GHR: variants seen among roughly 807,000 people sequenced by gnomAD.
The protein encoded by GHR is GH receptor.
A neutral mutation model predicts 67.1 loss-of-function variants in GHR; 35 were observed. That is an observed-to-expected ratio of 0.52 (90% confidence interval 0.40 to 0.69). The LOEUF is 0.69. GHR is among the 30% of genes least tolerant of loss of function. The probability of loss-of-function intolerance (pLI) is 0.00; values close to 1 mark genes in which losing one functional copy is unlikely to be tolerated. For synonymous variants in GHR, 272 were observed against 269.1 expected, an observed-to-expected ratio of 1.01 and a Z score of -0.10; for missense variants, 792 against 764.6, an observed-to-expected ratio of 1.04 and a Z score of -0.42.
chr5:42,615,469 C>A (rs944751353), intron 2 of GHR, among the ~76,000 whole-genome samples: 1 of 152,024 alleles, frequency 6.6e-6, no homozygotes, highest in Admixed American at 6.6e-5. Context: ...TTAGTCCTAA[C>A]CTAACCAAGA....
chr5:42,468,092 G>A, intron 1 of GHR: 1 of 1,084,144 alleles, frequency 9.2e-7, no homozygotes, highest in African/African-American at 1.6e-5. Context: ...ACGTATCTCA[G>A]TTTTTGGAAC....
chr5:42,599,720 A>G (rs772491959), intron 2 of GHR, among the ~76,000 whole-genome samples: 6 of 152,194 alleles, frequency 3.9e-5, no homozygotes, highest in Non-Finnish European at 8.8e-5. Flanking sequence ...GAAGAATTTA[A>G]CAACAAAAAC....
intron 2 of GHR, among the ~76,000 whole-genome samples, chr5:42,599,174 C>T (rs971231528): frequency 2.0e-5 from 3 of 152,028 alleles, no homozygotes; most frequent in African/African-American, 4.8e-5. Flanking sequence ...TGGTCAATAC[C>T]TTATTGGAAG....
chr5:42,719,377 T>A lies in GHR; in HGVS notation c.1870T>A (p.Ser624Thr), dbSNP rs1392489396. The change falls in exon 10 of 10, where the codon TCA becomes ACA. Residue 624 changes from serine to threonine, a missense_variant. Ser to Thr is a moderately conservative substitution (Grantham distance 58, BLOSUM62 1). Coordinates refer to ENST00000230882, the MANE Select transcript of GHR (RefSeq NM_000163.5). ...LPLPDKEFLS[S>T]CGYVSTDQLN... is the part of the protein sequence containing the mutation. ...CTTGCCTGACAAAGAGTTTCTCTCA[T>A]CATGTGGCTATGTGAGCACAGACCA... The A allele has an allele frequency of 5.6e-6, 9 of 1,614,016 alleles. No homozygotes were observed. The highest frequency in any genetic ancestry group is 7.6e-6 in the Non-Finnish European group (9 of 1,179,918).
chr5:42,487,569 T>C (rs572774667), intron 1 of GHR, among the ~76,000 whole-genome samples: 1 of 152,314 alleles, frequency 6.6e-6, no homozygotes, highest in South Asian at 2.1e-4. Flanking sequence ...GAGAAATCCC[T>C]ACAAATCAAC....
chr5:42,663,081 C>T (rs1448817527), intron 3 of GHR, among the ~76,000 whole-genome samples: 1 of 152,098 alleles, frequency 6.6e-6, no homozygotes, highest in East Asian at 1.9e-4. Flanking sequence ...ATAACAGGCT[C>T]TGAAATTGTG....
At chr5:42,465,246 C>T (rs1235286393) in intron 1 of GHR, among the ~76,000 whole-genome samples, 3 of 152,194 alleles carry the variant, frequency 2.0e-5, no homozygotes, top group South Asian at 2.1e-4. Context: ...CAGAACAGTA[C>T]ATTTGGACAG....
At chr5:42,600,550 A>G (rs1752322693) in intron 2 of GHR, among the ~76,000 whole-genome samples, 1 of 152,206 alleles carries the variant, frequency 6.6e-6, no homozygotes, top group African/African-American at 2.4e-5. Flanking sequence ...TAAGAAGTGA[A>G]AGCTCCTGGC....
intron 3 of GHR, among the ~76,000 whole-genome samples, chr5:42,632,295 T>C (rs1044613888): frequency 6.6e-6 from 1 of 152,158 alleles, no homozygotes; most frequent in Non-Finnish European, 1.5e-5. Flanking sequence ...AAATCAGTCC[T>C]GCCCACCTTT....
At chr5:42,636,837 G>T (rs575697510) in intron 3 of GHR, among the ~76,000 whole-genome samples, 1 of 152,208 alleles carries the variant, frequency 6.6e-6, no homozygotes, top group African/African-American at 2.4e-5. Context: ...GTAATTGTGT[G>T]TCTCATGGCA....
rs544085705 is a variant in GHR at position 42,649,616 on chromosome 5, G to C, written c.136+20513G>C. 2.6e-5 allele frequency among the ~76,000 whole-genome samples: 4 copies of C among 152,212 alleles called. No individual in the cohort carries two copies. In the South Asian group the frequency reaches 8.3e-4, roughly 32 times the overall value. ...CAAAATGGCTGGCCCCCTTTAAAAG[G>C]CTCTTGGCAACAGACATATGGAAAA... On this transcript the variant is annotated intron_variant, in intron 3 of 9. Transcript: ENST00000230882.
At chr5:42,555,407 C>A (rs375150794) in intron 1 of GHR, among the ~76,000 whole-genome samples, 3 of 152,248 alleles carry the variant, frequency 2.0e-5, no homozygotes, top group African/African-American at 7.2e-5. Context: ...AAATATTACT[C>A]TGTCTTTTTC....
At chr5:42,634,057 G>C (rs780357155) in intron 3 of GHR, among the ~76,000 whole-genome samples, 1 of 151,964 alleles carries the variant, frequency 6.6e-6, no homozygotes, top group Non-Finnish European at 1.5e-5. Flanking sequence ...TCTGGAGTAA[G>C]CTTTAGTTTA....
intron 1 of GHR, among the ~76,000 whole-genome samples, chr5:42,540,715 T>C (rs1367407241): frequency 6.7e-6 from 1 of 148,616 alleles, no homozygotes; most frequent in Non-Finnish European, 1.5e-5. Context: ...GCTCTCAGGC[T>C]GCCCTGCAGT....
At chr5:42,662,782 A>T (rs1219663587) in intron 3 of GHR, among the ~76,000 whole-genome samples, 6 of 152,232 alleles carry the variant, frequency 3.9e-5, no homozygotes, top group African/African-American at 1.4e-4. Context: ...AAATAGAGAC[A>T]CAAAAAACCC....
rs1345661351 is a variant in GHR, at chr5:42,629,334, G to A, written c.136+231G>A. 1.1e-4 allele frequency among the ~76,000 whole-genome samples: 14 copies of A among 131,840 alleles called. 2 individuals carry two copies. Among genetic ancestry groups the A allele is most frequent in the Non-Finnish European group, 2.2e-4 (14 of 62,356 alleles). 86.5% of individuals were successfully genotyped at this position (131,840 alleles called of 152,430 possible). Reference sequence around the variant, plus strand: ...TGTAATCCCCAATGTTGGAAGTGGAGACTGGGAGGAGATGTTTGGGTCATG... The same window carrying A: ...TGTAATCCCCAATGTTGGAAGTGGAAACTGGGAGGAGATGTTTGGGTCATG... On this transcript the variant is annotated intron_variant, in intron 3 of 9. Coordinates refer to ENST00000230882, the MANE Select transcript of GHR (RefSeq NM_000163.5).
At chr5:42,674,456 C>T (rs994036875) in intron 3 of GHR, among the ~76,000 whole-genome samples, 1 of 152,106 alleles carries the variant, frequency 6.6e-6, no homozygotes, top group Non-Finnish European at 1.5e-5. Context: ...AACTCTAGAA[C>T]ATTTTCATTA....
At chr5:42,515,125 TC>T (rs571386747) in intron 1 of GHR, 89 of 152,280 alleles carry the variant, frequency 5.8e-4, no homozygotes, top group African/African-American at 2.1e-3. Context: ...CTGCTGCTGT[TC>T]CCCAGAGCTC....
chr5:42,465,372 A>T, intron 1 of GHR: 1 of 992,016 alleles, frequency 1.0e-6, no homozygotes, highest in South Asian at 1.4e-5. Flanking sequence ...AAGTTAGGTT[A>T]AGGGTATAAA....
Sources: allele counts gnomAD v4.1 joint callset (sites outside exome capture counted in the v4.1 genomes callset), GRCh38; gene constraint gnomAD v4.1.1; transcripts MANE v1.5; gene names NCBI Gene and HGNC (gene_info 2026-07-23, HGNC 2026-07-21).